Variants in FAAH2 observed in about 807,000 individuals in gnomAD.
FAAH2 encodes the protein fatty-acid amide hydrolase 2.
In FAAH2, 60 loss-of-function variants were observed where a neutral mutation model predicts 36.9. The ratio of observed to expected loss-of-function variants is 1.63; its 90% CI spans 1.32 to 2.02. FAAH2 has a LOEUF of 2.02. Ranked by LOEUF, FAAH2 falls within the 30% of genes most tolerant of loss-of-function variation. The pLI is 0.00. For synonymous variants in FAAH2, 214 were observed against 143.8 expected (o/e 1.49, Z -3.49); for missense variants, 689 against 397.5 (o/e 1.73, Z -6.23).
At chrX:57,175,118 CCTT>C in the FAAH2 span, among the ~76,000 whole-genome samples, 1 of 111,333 alleles carries the variant, frequency 9.0e-6, no homozygotes, top group Non-Finnish European at 1.9e-5. Flanking sequence ...TAAGTTTAGT[CCTT>C]CTTCATTGAC....
At chrX:57,274,618 C>T in the FAAH2 span, among the ~76,000 whole-genome samples, 8 of 111,885 alleles carry the variant, frequency 7.2e-5, no homozygotes, top group African/African-American at 1.6e-4. Flanking sequence ...AATCAATAAA[C>T]GCAATCCATC....
chrX:57,135,593 C>A, the FAAH2 span: 1 of 644,812 alleles, frequency 1.6e-6, no homozygotes, highest in Non-Finnish European at 2.3e-6. Context: ...CTTCCATGCC[C>A]CATCTACCAA....
upstream of FAAH2, among the ~76,000 whole-genome samples, chrX:57,285,500 A>C (rs1361990409): frequency 8.9e-6 from 1 of 111,967 alleles, no homozygotes; most frequent in Non-Finnish European, 1.9e-5. Flanking sequence ...AGAGGGTTGT[A>C]AGTGCTATGA....
At chrX:57,349,245 A>T (rs1006410810) in intron 5 of FAAH2, among the ~76,000 whole-genome samples, 4 of 53,832 alleles carry the variant, frequency 7.4e-5, no homozygotes, top group Admixed American at 2.2e-4. Flanking sequence ...ATATGTATGT[A>T]TATCTGTGTG....
chrX:57,271,626 G>T, the FAAH2 span, among the ~76,000 whole-genome samples: 11 of 112,025 alleles, frequency 9.8e-5, no homozygotes, highest in Non-Finnish European at 2.1e-4. Flanking sequence ...GGGAAACAGG[G>T]TCGGGAGTGG....
At chrX:57,367,174 A>G (rs896354546) in intron 5 of FAAH2, among the ~76,000 whole-genome samples, 16 of 113,030 alleles carry the variant, frequency 1.4e-4, no homozygotes, top group Non-Finnish European at 1.7e-4. Context: ...ACGTATTCAG[A>G]TAAGATGTTG....
At chrX:57,394,577 C>G (rs1252980382) in intron 7 of FAAH2, 15 of 1,199,237 alleles carry the variant, frequency 1.3e-5, no homozygotes, top group Non-Finnish European at 1.7e-5. Flanking sequence ...ACGCTTGGCA[C>G]TCTCTACAGT....
the FAAH2 span, among the ~76,000 whole-genome samples, chrX:57,265,211 A>G: frequency 2.7e-5 from 3 of 111,430 alleles, no homozygotes; most frequent in Non-Finnish European, 3.8e-5. Flanking sequence ...CATGCACGAG[A>G]CTCAGGAGCT....
rs367713372 is a variant in FAAH2 at position 57,467,383 on chromosome X, A to C, written c.1423+18665A>C. 9.0e-5 allele frequency among the ~76,000 whole-genome samples: 10 copies of C among 111,364 alleles called. No individual in the cohort carries two copies. The East Asian group carries it at 2.0e-3, about 22-fold the overall frequency. ...AAGGGGTGACAGAAGGCACCTTGAAAATCGGGTCACTCCCACCATAATACT... is the reference window on the plus strand; with the variant it reads ...AAGGGGTGACAGAAGGCACCTTGAACATCGGGTCACTCCCACCATAATACT... On this transcript the variant is annotated intron_variant, in intron 10 of 10. Coordinates refer to ENST00000374900, the MANE Select transcript of FAAH2 (RefSeq NM_174912.4).
the FAAH2 span, among the ~76,000 whole-genome samples, chrX:57,132,272 G>A: frequency 8.9e-6 from 1 of 112,015 alleles, no homozygotes; most frequent in African/African-American, 3.2e-5. Context: ...CATATCAGTG[G>A]TTTCCGATAT....
At chrX:57,297,043 A>T (rs909365602) in intron 2 of FAAH2, among the ~76,000 whole-genome samples, 4 of 110,643 alleles carry the variant, frequency 3.6e-5, no homozygotes, top group African/African-American at 1.3e-4. Flanking sequence ...GATATTATTT[A>T]GGAGAAATTC....
chrX:57,252,241 C>G, the FAAH2 span, among the ~76,000 whole-genome samples: 1 of 112,627 alleles, frequency 8.9e-6, no homozygotes, highest in Non-Finnish European at 1.9e-5. Context: ...CAGGGAAGCT[C>G]TAACAGAGCA....
the FAAH2 span, among the ~76,000 whole-genome samples, chrX:57,232,495 G>C: frequency 2.9e-4 from 32 of 111,937 alleles, no homozygotes; most frequent in African/African-American, 9.4e-4. Flanking sequence ...AAATTACGTA[G>C]GCTTTAATAA....
chrX:57,169,847 C>A, the FAAH2 span, among the ~76,000 whole-genome samples: 1 of 105,750 alleles, frequency 9.5e-6, no homozygotes, highest in Admixed American at 1.0e-4. Context: ...TTAACATTAG[C>A]ATCTCTCTCT....
At chrX:57,305,958 G>A (rs1252544851) in intron 2 of FAAH2, among the ~76,000 whole-genome samples, 1 of 111,956 alleles carries the variant, frequency 8.9e-6, no homozygotes, top group East Asian at 2.8e-4. Context: ...AAGGCTACAG[G>A]CCGTTTTGCC....
chrX:57,210,079 G>A, the FAAH2 span, among the ~76,000 whole-genome samples: 1 of 110,693 alleles, frequency 9.0e-6, no homozygotes, highest in African/African-American at 3.3e-5. Context: ...ACAACTCTTC[G>A]TTCCTCACCT....
the FAAH2 span, among the ~76,000 whole-genome samples, chrX:57,144,139 T>C: frequency 8.9e-6 from 1 of 112,147 alleles, no homozygotes; most frequent in Non-Finnish European, 1.9e-5. Flanking sequence ...CATCCTGTTC[T>C]TTACTGGCTT....
At position 57,448,719 on chromosome X, in the gene FAAH2, G is replaced by C. The variant is rs754840718; in HGVS notation, c.1423+1G>C. ...CGGCCTTTCAACTTTGCTTACACAG[G>C]TACCTAATTGTATTCCTTACATTCT... On this transcript the variant is annotated splice_donor_variant, in intron 10 of 10. Coordinates refer to ENST00000374900, the MANE Select transcript of FAAH2 (RefSeq NM_174912.4). LOFTEE classifies it high-confidence loss of function. 2 of 1,176,516 alleles carry C rather than the reference G, an allele frequency of 1.7e-6. No homozygotes were observed.
At chrX:57,237,030 G>A in the FAAH2 span, among the ~76,000 whole-genome samples, 1 of 111,685 alleles carries the variant, frequency 9.0e-6, no homozygotes, top group Non-Finnish European at 1.9e-5. Context: ...AATGATGTTT[G>A]TATGCAGTTA....
Sources: allele counts gnomAD v4.1 joint callset (sites outside exome capture counted in the v4.1 genomes callset), GRCh38; gene constraint gnomAD v4.1.1; transcripts MANE v1.5; gene names NCBI Gene and HGNC (gene_info 2026-07-23, HGNC 2026-07-21).